The following NLRP13 variants were observed in gnomAD, a reference collection of about 807,000 sequenced individuals.
NLRP13 encodes NACHT, LRR and PYD domains-containing protein 13.
Under a neutral mutation model 94.4 loss-of-function variants are expected in NLRP13, and 82 were observed. The observed-to-expected ratio is 0.87, with a 90% confidence interval of 0.73 to 1.04. The LOEUF (loss-of-function observed/expected upper bound fraction) is 1.04. Among genes scored for constraint, NLRP13 ranks in the 50% least tolerant of loss-of-function variants. The pLI is 0.00. For missense variants in NLRP13, 1,426 were observed against 1,230.8 expected (o/e 1.16, Z -2.37); for synonymous variants, 553 against 464.7 (o/e 1.19, Z -2.45).
intron 1 of NLRP13, among the ~76,000 whole-genome samples, chr19:55,926,335 G>T (rs1947701028): frequency 1.3e-5 from 2 of 152,124 alleles, no homozygotes; most frequent in Admixed American, 1.3e-4. Context: ...AGAAAACAAA[G>T]GTTAAAAATT....
At chr19:55,910,041 A>T (rs570318225) in intron 6 of NLRP13, among the ~76,000 whole-genome samples, 2 of 152,100 alleles carry the variant, frequency 1.3e-5, no homozygotes, top group Non-Finnish European at 2.9e-5. Context: ...TATTTTGATG[A>T]TTTTGTTTGC....
At chr19:55,927,572 G>A (rs1335457199) in intron 1 of NLRP13, among the ~76,000 whole-genome samples, 1 of 151,962 alleles carries the variant, frequency 6.6e-6, no homozygotes, top group African/African-American at 2.4e-5. Context: ...GAGGGTGTGT[G>A]TGTAGTGAGG....
intron 4 of NLRP13, among the ~76,000 whole-genome samples, chr19:55,913,548 C>CAGAAAAAAAAAAAA (rs1986594364): frequency 1.9e-5 from 1 of 52,056 alleles, no homozygotes; most frequent in Non-Finnish European, 4.0e-5. Context: ...GACTCCGTCT[C>CAGAAAAAAAAAAAA]AAAAAAAAAA....
chr19:55,893,908 G>A (rs1600254394), downstream of NLRP13, among the ~76,000 whole-genome samples: 1 of 152,062 alleles, frequency 6.6e-6, no homozygotes, highest in Non-Finnish European at 1.5e-5. Flanking sequence ...TGTGAAGTTG[G>A]CAACATCAAA....
Position 55,912,415 on chromosome 19 carries a change from C to A in NLRP13, c.1402G>T (p.Glu468Ter). The A allele has an allele frequency of 2.5e-6, 4 of 1,614,154 alleles. No individual in the cohort carries two copies. The highest frequency in any genetic ancestry group is 3.4e-6 in the Non-Finnish European group (4 of 1,180,034). ...YFFSNLFSTAEVDLADDSWPG... is the reference protein window; with the variant it reads ...YFFSNLFSTA ...CAGCTGTCATCTGCCAAATCTACCT[C>A]TGCTGTGGAGAACAAGTTGGAGAAA... Residue 468 changes from glutamate to a stop codon, truncating the protein, a stop_gained, in exon 5 of 11, where the codon GAG becomes TAG. Coordinates refer to ENST00000342929, the MANE Select transcript of NLRP13 (RefSeq NM_176810.2). LOFTEE classifies it high-confidence loss of function.
intron 9 of NLRP13, among the ~76,000 whole-genome samples, chr19:55,899,167 C>T (rs147893943): frequency 1.8e-3 from 268 of 152,182 alleles, no homozygotes; most frequent in African/African-American, 6.0e-3. Context: ...CTCCCTCCCA[C>T]GCCCCCCGCA....
chr19:55,931,182 G>A (rs146950715), intron 1 of NLRP13, among the ~76,000 whole-genome samples: 37 of 152,144 alleles, frequency 2.4e-4, no homozygotes, highest in African/African-American at 8.4e-4. Flanking sequence ...GGCAAGGCTC[G>A]TACTGAGGAA....
chr19:55,907,240 G>A (rs919737682), intron 7 of NLRP13, among the ~76,000 whole-genome samples: 1 of 152,084 alleles, frequency 6.6e-6, no homozygotes, highest in African/African-American at 2.4e-5. Context: ...TTACAGGCAT[G>A]AGCCACCACA....
intron 9 of NLRP13, 48 bp downstream of exon 9, chr19:55,901,987 C>A (rs774247141): frequency 4.4e-6 from 7 of 1,597,952 alleles, no homozygotes; most frequent in Middle Eastern, 1.7e-4. Flanking sequence ...GGTCAATTCC[C>A]ATGGCTCTCC....
rs1568449876 is a variant in NLRP13 at position 55,932,277 on chromosome 19, C to T, written c.35G>A (p.Gly12Asp). 6.2e-7 allele frequency: 1 copy of T among 1,610,024 alleles called. No homozygotes were observed. The highest frequency in any genetic ancestry group is 8.5e-7 in the Non-Finnish European group (1 of 1,179,024). Reference sequence around the variant, plus strand: ...GTAAGGCAGAAGCCCTTGGTTGGTACCACCGTTGGGGCAGGTGATTACAGA... The same window carrying T: ...GTAAGGCAGAAGCCCTTGGTTGGTATCACCGTTGGGGCAGGTGATTACAGA... Reference protein sequence around the residue: ...NFSVITCPNGGTNQGLLPYLM... With the variant: ...NFSVITCPNGDTNQGLLPYLM... The change falls in exon 1 of 11, where the codon GGT becomes GAT. Residue 12 changes from glycine (G) to aspartate (D), a missense_variant. By Grantham distance (94) the Gly-to-Asp change is moderately conservative (BLOSUM62 -1). Coordinates refer to ENST00000342929, the MANE Select transcript of NLRP13 (RefSeq NM_176810.2).
intron 10 of NLRP13, 55 bp downstream of exon 10, chr19:55,898,715 C>T: frequency 6.7e-7 from 1 of 1,503,732 alleles, no homozygotes; most frequent in East Asian, 2.3e-5. Context: ...ATCATATCTC[C>T]CCACCCGCAA....
chr19:55,898,848 C>A lies in NLRP13; in HGVS notation c.2879G>T (p.Gly960Val), dbSNP rs1986086844. ...TCCATCATCCTGAAGATCATTTTCT[C>A]CCAAATCCAAGATTTTCACATTATG... is the stretch of plus-strand genomic sequence containing the variant. ...HNHNVKILDL[G>V]ENDLQDDGVK... The change falls in exon 10 of 11, where the codon GGA becomes GTA. Residue 960 changes from glycine to valine, a missense_variant. By Grantham distance (109) the Gly-to-Val change is moderately radical (BLOSUM62 -3). Coordinates refer to ENST00000342929, the MANE Select transcript of NLRP13 (RefSeq NM_176810.2). 3.1e-6 allele frequency: 5 copies of A among 1,614,072 alleles called. No individual in the cohort carries two copies. The highest frequency in any genetic ancestry group is 4.2e-6 in the Non-Finnish European group (5 of 1,179,990).
At chr19:55,900,070 T>G (rs1228531764) in intron 9 of NLRP13, among the ~76,000 whole-genome samples, 8 of 152,146 alleles carry the variant, frequency 5.3e-5, no homozygotes, top group Admixed American at 5.2e-4. Context: ...AAAAAATTGT[T>G]AAGTATTTGA....
intron 10 of NLRP13, among the ~76,000 whole-genome samples, chr19:55,897,716 C>T (rs1359598872): frequency 6.6e-6 from 1 of 152,058 alleles, no homozygotes; most frequent in Non-Finnish European, 1.5e-5. Context: ...GAGAACAAGT[C>T]TAGTTTATGT....
At chr19:55,923,245 G>A (rs962082086) in intron 4 of NLRP13, among the ~76,000 whole-genome samples, 6 of 152,170 alleles carry the variant, frequency 3.9e-5, no homozygotes, top group Admixed American at 6.5e-5. Context: ...AGAGAATCCC[G>A]TTTATAGTAA....
chr19:55,900,637 A>G (rs890830603), intron 9 of NLRP13, among the ~76,000 whole-genome samples: 5 of 151,870 alleles, frequency 3.3e-5, no homozygotes, highest in Non-Finnish European at 5.9e-5. Flanking sequence ...TTAGCCGGGC[A>G]TGGTGGCGGG....
At chr19:55,913,425 GT>G in intron 4 of NLRP13, 132 bp from the exon 5 acceptor site, 1 of 1,035,254 alleles carries the variant, frequency 9.7e-7, no homozygotes, top group Non-Finnish European at 1.4e-6. Flanking sequence ...TGGGAATGCA[GT>G]GGTAGAAAGT....
intron 8 of NLRP13, among the ~76,000 whole-genome samples, chr19:55,904,568 ATTG>A (rs1444251165): frequency 6.6e-6 from 1 of 151,978 alleles, no homozygotes; most frequent in Non-Finnish European, 1.5e-5. Flanking sequence ...CTTCATATCT[ATTG>A]TTTTGTTTTT....
rs1292592766 is a variant in NLRP13 at position 55,913,297 on chromosome 19, G to C, written c.524-4C>G. 2 of 1,611,570 alleles carry C rather than the reference G, an allele frequency of 1.2e-6. No individual in the cohort carries two copies. Among genetic ancestry groups the C allele is most frequent in the African/African-American group, 2.7e-5 (2 of 74,744 alleles). The stretch of plus-strand genomic sequence containing the variant: ...TCTCTGTATTTTCTTCTGTGGTCTA[G>C]AGAGGGCGGAGTGGGGAGAAGAATG... On this transcript the variant is annotated splice_region_variant and splice_polypyrimidine_tract_variant and intron_variant, in intron 4 of 10. Transcript: ENST00000342929.
Sources: gnomAD v4.1 joint callset for allele counts (sites outside exome capture counted in the v4.1 genomes callset) on GRCh38, gnomAD v4.1.1 for gene constraint, MANE v1.5 for transcripts, NCBI Gene and HGNC (gene_info 2026-07-23, HGNC 2026-07-21) for gene names.